Variants in AK7 observed in about 807,000 individuals in gnomAD.
AK7 encodes adenylate kinase 7.
In AK7, 78 loss-of-function variants were observed where a neutral mutation model predicts 96.6. The observed-to-expected ratio is 0.81, with a 90% CI of 0.67 to 0.97. The LOEUF (loss-of-function observed/expected upper bound fraction) is 0.97, where lower values mean the gene tolerates loss of function less well. Ranked by LOEUF, AK7 falls within the 50% of genes least tolerant of loss-of-function variation. The pLI, the probability that AK7 is intolerant of heterozygous loss-of-function variation, is 0.00. For missense variants in AK7, 855 were observed against 887.9 expected, an observed-to-expected ratio of 0.96 and a Z score of 0.47; for synonymous variants, 302 against 317.2, an observed-to-expected ratio of 0.95 and a Z score of 0.51.
At chr14:96,449,961 G>T (rs553074028) in intron 9 of AK7, 82 bp downstream of exon 9, 2 of 1,142,614 alleles carry the variant, frequency 1.8e-6, no homozygotes, top group Non-Finnish European at 2.5e-6. Flanking sequence ...TATCAGATAG[G>T]TTTTGGCTAA....
At chr14:96,474,997 C>T (rs1048472995) in intron 14 of AK7, among the ~76,000 whole-genome samples, 2 of 152,210 alleles carry the variant, frequency 1.3e-5, no homozygotes, top group Admixed American at 1.3e-4. Flanking sequence ...TCTTCTCACT[C>T]CACTGCCTCC....
intron 4 of AK7, among the ~76,000 whole-genome samples, chr14:96,414,126 A>G (rs1175368754): frequency 6.6e-6 from 1 of 152,232 alleles, no homozygotes; most frequent in African/African-American, 2.4e-5. Context: ...AGTGTTGCTG[A>G]TGATCAAGTC....
intron 7 of AK7, among the ~76,000 whole-genome samples, chr14:96,443,437 G>A (rs1016701263): frequency 3.3e-5 from 5 of 152,184 alleles, no homozygotes; most frequent in South Asian, 4.1e-4. Flanking sequence ...CCCCAGAAAG[G>A]AGCAATTTCT....
intron 14 of AK7, among the ~76,000 whole-genome samples, chr14:96,476,158 G>A (rs1214527689): frequency 6.6e-6 from 1 of 152,112 alleles, no homozygotes; most frequent in African/African-American, 2.4e-5. Context: ...CTTGGTTGAA[G>A]GAGATAAGTT....
chr14:96,410,113 T>G (rs1182560339), intron 4 of AK7, among the ~76,000 whole-genome samples: 2 of 152,234 alleles, frequency 1.3e-5, no homozygotes, highest in Non-Finnish European at 2.9e-5. Context: ...TCATCACACT[T>G]ATTGCATCAA....
intron 11 of AK7, 97 bp downstream of exon 11, chr14:96,456,572 C>T: frequency 7.0e-7 from 1 of 1,419,440 alleles, no homozygotes; most frequent in South Asian, 1.3e-5. Context: ...CAGCTGGATG[C>T]AGTTTAGATG....
Position 96,478,607 on chromosome 14 carries a change from C to T in AK7, c.1698C>T (p.Asp566=), listed in dbSNP as rs117684594. ...GCAACTACCGGGACATCAATATCGA[C>T]GATGAGACTGTCTTCAACTATTTTG... ...ALSNYRDINI[D]DETVFNYFDE... is the part of the protein sequence containing the mutation. The change falls in exon 15 of 18, where the codon GAC becomes GAT. Residue 566 remains aspartate, a synonymous_variant. Coordinates refer to ENST00000267584, the MANE Select transcript of AK7 (RefSeq NM_152327.5). 400 of 1,614,146 alleles carry T rather than the reference C, an allele frequency of 2.5e-4. 1 individual carries two copies. The highest frequency in any genetic ancestry group is 3.0e-4 in the Non-Finnish European group (357 of 1,180,034).
At chr14:96,484,304 G>A (rs1895662202) in intron 16 of AK7, among the ~76,000 whole-genome samples, 1 of 152,088 alleles carries the variant, frequency 6.6e-6, no homozygotes, top group African/African-American at 2.4e-5. Flanking sequence ...CTCTACTTCT[G>A]ATCAGGGGCA....
At chr14:96,446,430 C>T (rs776601264) in intron 7 of AK7, 87 bp from the exon 8 acceptor site, 1 of 1,129,020 alleles carries the variant, frequency 8.9e-7, no homozygotes, top group Non-Finnish European at 1.3e-6. Context: ...CCACGCCCAG[C>T]CATGGGGGTG....
chr14:96,477,299 G>A (rs1378072537), intron 14 of AK7, among the ~76,000 whole-genome samples: 3 of 152,136 alleles, frequency 2.0e-5, no homozygotes, highest in African/African-American at 7.2e-5. Context: ...ACCTCCTGTG[G>A]GCTTTCCCCA....
At chr14:96,445,502 A>C (rs1893185727) in intron 7 of AK7, among the ~76,000 whole-genome samples, 1 of 152,080 alleles carries the variant, frequency 6.6e-6, no homozygotes, top group Admixed American at 6.6e-5. Flanking sequence ...TCTACAAAAA[A>C]TACAAAAATT....
intron 12 of AK7, among the ~76,000 whole-genome samples, chr14:96,467,437 G>A (rs1894631321): frequency 6.6e-6 from 1 of 151,960 alleles, no homozygotes; most frequent in Non-Finnish European, 1.5e-5. Flanking sequence ...CCAGGTTCAG[G>A]CAATTCTCCT....
chr14:96,483,319 G>A, intron 16 of AK7, 100 bp downstream of exon 16: 1 of 1,224,084 alleles, frequency 8.2e-7, no homozygotes, highest in African/African-American at 1.5e-5. Flanking sequence ...TCCTGCTCTA[G>A]GGAAATGTCA....
chr14:96,411,781 T>A (rs1015996456), intron 4 of AK7, among the ~76,000 whole-genome samples: 6 of 152,238 alleles, frequency 3.9e-5, no homozygotes, highest in African/African-American at 1.4e-4. Flanking sequence ...TGGCAGAAGA[T>A]GTGGCATCCG....
At chr14:96,447,009 A>C (rs566917997) in intron 8 of AK7, among the ~76,000 whole-genome samples, 1 of 152,338 alleles carries the variant, frequency 6.6e-6, no homozygotes, top group South Asian at 2.1e-4. Context: ...AGTTGTGCTA[A>C]CAAAACTGGG....
chr14:96,408,998 C>G (rs957895235), intron 4 of AK7, 57 bp downstream of exon 4: 2 of 1,562,390 alleles, frequency 1.3e-6, no homozygotes, highest in South Asian at 1.1e-5. Flanking sequence ...ACCTTGTAAT[C>G]TGTGTGTGGA....
chr14:96,412,782 G>T (rs1344639802), intron 4 of AK7, among the ~76,000 whole-genome samples: 3 of 151,852 alleles, frequency 2.0e-5, no homozygotes, highest in African/African-American at 7.3e-5. Flanking sequence ...GGCCAGGCTG[G>T]TCTCAAACTC....
At chr14:96,449,728 C>T in intron 8 of AK7, 74 bp from the exon 9 acceptor site, 1 of 1,146,990 alleles carries the variant, frequency 8.7e-7, no homozygotes. Context: ...GCCACTGCGC[C>T]TGGCCCATTT....
chr14:96,488,258 C>G (rs1188392245), intron 17 of AK7, 47 bp from the exon 18 acceptor site: 1 of 1,522,588 alleles, frequency 6.6e-7, no homozygotes, highest in African/African-American at 1.4e-5. Context: ...AAATACATGA[C>G]TAATAATAAC....
Sources: gnomAD v4.1 joint callset for allele counts (sites outside exome capture counted in the v4.1 genomes callset) on GRCh38, gnomAD v4.1.1 for gene constraint, MANE v1.5 for transcripts, NCBI Gene and HGNC (gene_info 2026-07-23, HGNC 2026-07-21) for gene names.